BIRC6: variants seen among roughly 807,000 people sequenced by gnomAD.
The protein encoded by BIRC6 is baculoviral IAP repeat containing 6, also known as dual E2 ubiquitin-conjugating enzyme/E3 ubiquitin-protein ligase BIRC6.
In BIRC6, 98 loss-of-function variants were observed where a neutral mutation model predicts 503.3. The observed-to-expected ratio is 0.19, with a 90% CI of 0.17 to 0.23. The LOEUF (loss-of-function observed/expected upper bound fraction) is 0.23. Among genes scored for constraint, BIRC6 ranks in the 10% least tolerant of loss-of-function variants. The pLI is 1.00. For synonymous variants in BIRC6, 2,240 were observed against 2,078.7 expected, an observed-to-expected ratio of 1.08 and a Z score of -2.11; for missense variants, 5,360 against 5,806.0, an observed-to-expected ratio of 0.92 and a Z score of 2.50.
intron 10 of BIRC6, among the ~76,000 whole-genome samples, chr2:32,425,082 C>A (rs752023038): frequency 1.8e-4 from 24 of 133,914 alleles, no homozygotes; most frequent in Non-Finnish European, 2.9e-4. Flanking sequence ...CTATTCATGT[C>A]CTTGTCCACT....
intron 3 of BIRC6, among the ~76,000 whole-genome samples, chr2:32,384,062 C>A (rs796906034): frequency 6.6e-6 from 1 of 152,214 alleles, no homozygotes; most frequent in East Asian, 1.9e-4. Flanking sequence ...GCAATCTCAA[C>A]ACCCACTTCA....
chr2:32,587,536 C>G (rs897642841), intron 66 of BIRC6, among the ~76,000 whole-genome samples: 1 of 152,036 alleles, frequency 6.6e-6, no homozygotes, highest in African/African-American at 2.4e-5. Context: ...CTAGCCTGGG[C>G]AACAAGGCAA....
At chr2:32,455,447 C>G (rs951252245) in intron 23 of BIRC6, among the ~76,000 whole-genome samples, 1 of 150,732 alleles carries the variant, frequency 6.6e-6, no homozygotes, top group Non-Finnish European at 1.5e-5. Context: ...ATGGCGAAAC[C>G]TCGTCTCTAC....
intron 61 of BIRC6, among the ~76,000 whole-genome samples, chr2:32,539,409 A>G (rs1330044864): frequency 6.6e-6 from 1 of 152,248 alleles, no homozygotes; most frequent in African/African-American, 2.4e-5. Context: ...TTTCCAAAGA[A>G]AGATAGACAG....
chr2:32,500,068 C>T lies in BIRC6; in HGVS notation c.8990C>T (p.Ala2997Val). The change falls in exon 46 of 74, where the codon GCT becomes GTT. Residue 2997 changes from alanine to valine, a missense_variant. Coordinates refer to ENST00000421745, the MANE Select transcript of BIRC6 (RefSeq NM_016252.4). ...NQQIMSQILS[A>V]LGLCNSSAMA... ...CAAATTATGAGCCAGATTTTGTCTG[C>T]TCTGGGCCTGTGTAATAGCAGTGCC... The T allele has an allele frequency of 6.2e-7, 1 of 1,613,572 alleles. No homozygotes were observed. The highest frequency in any genetic ancestry group is 1.1e-5 in the South Asian group (1 of 91,018).
At chr2:32,455,984 A>G (rs1452424742) in intron 23 of BIRC6, among the ~76,000 whole-genome samples, 1 of 151,540 alleles carries the variant, frequency 6.6e-6, no homozygotes, top group Non-Finnish European at 1.5e-5. Flanking sequence ...TAATATTAAT[A>G]TAATATCTAT....
At chr2:32,483,603 G>A (rs1296707762) in intron 39 of BIRC6, among the ~76,000 whole-genome samples, 1 of 152,200 alleles carries the variant, frequency 6.6e-6, no homozygotes, top group Non-Finnish European at 1.5e-5. Flanking sequence ...GGAAAATAAT[G>A]CATTGCATTT....
At chr2:32,582,777 C>A (rs115914002) in intron 66 of BIRC6, among the ~76,000 whole-genome samples, 2,498 of 151,678 alleles carry the variant, frequency 0.016, 50 homozygotes, top group African/African-American at 0.058. Flanking sequence ...AACAAACAAA[C>A]AAAAAAACTA....
intron 66 of BIRC6, among the ~76,000 whole-genome samples, chr2:32,576,959 G>C (rs2060309775): frequency 6.6e-6 from 1 of 152,108 alleles, no homozygotes; most frequent in Admixed American, 6.5e-5. Flanking sequence ...TTCTTTGATA[G>C]TGTGATATTT....
intron 65 of BIRC6, among the ~76,000 whole-genome samples, chr2:32,560,748 T>A (rs535646646): frequency 9.0e-4 from 137 of 152,190 alleles, no homozygotes; most frequent in African/African-American, 3.3e-3. Flanking sequence ...TAAAATTTTT[T>A]GTAGAAATAG....
chr2:32,367,474 C>CA (rs1285613944), intron 1 of BIRC6, among the ~76,000 whole-genome samples: 3 of 150,154 alleles, frequency 2.0e-5, no homozygotes, highest in Non-Finnish European at 4.5e-5. Flanking sequence ...AAAAAAAAAA[C>CA]AAAAAAACGA....
intron 15 of BIRC6, among the ~76,000 whole-genome samples, chr2:32,438,674 C>T (rs2148221592): frequency 6.6e-6 from 1 of 151,750 alleles, no homozygotes; most frequent in South Asian, 2.1e-4. Flanking sequence ...ATTCTCCTGC[C>T]TCAGCCTCCT....
chr2:32,491,458 G>A lies in BIRC6; in HGVS notation c.8240G>A (p.Ser2747Asn). The stretch of plus-strand genomic sequence containing the variant: ...AGCAGTGCCATTGGAACTCAGGAGA[G>A]TACTGCTCATTTGTTGGTTTCAGAT... ...GSSSAIGTQE[S>N]TAHLLVSDPN... The change falls in exon 44 of 74, where the codon AGT becomes AAT. Residue 2747 changes from serine (S) to asparagine (N), a missense_variant. Physicochemically the swap from Ser to Asn is conservative, Grantham distance 46. Around this residue, in one of 16 missense-constraint regions of BIRC6, gnomAD observed 2,299 missense variants for 2,267.2 expected, o/e 1.01. Coordinates refer to ENST00000421745, the MANE Select transcript of BIRC6 (RefSeq NM_016252.4). 1 of 1,613,456 alleles carries A rather than the reference G, an allele frequency of 6.2e-7. No individual in the cohort carries two copies. Among genetic ancestry groups the A allele is most frequent in the Non-Finnish European group, 8.5e-7 (1 of 1,179,676 alleles).
chr2:32,437,562 A>G (rs188693390), intron 15 of BIRC6, among the ~76,000 whole-genome samples: 1 of 152,312 alleles, frequency 6.6e-6, no homozygotes, highest in Non-Finnish European at 1.5e-5. Context: ...AGTATCCCTT[A>G]TCTGAAATGC....
intron 55 of BIRC6, among the ~76,000 whole-genome samples, chr2:32,516,097 C>G (rs920060402): frequency 6.6e-6 from 1 of 152,188 alleles, no homozygotes; most frequent in Admixed American, 6.5e-5. Flanking sequence ...TCACTGAGTA[C>G]TGTATGTGCC....
chr2:32,486,351 T>G (rs986199949), intron 40 of BIRC6, among the ~76,000 whole-genome samples: 1 of 152,204 alleles, frequency 6.6e-6, no homozygotes, highest in Non-Finnish European at 1.5e-5. Flanking sequence ...AAAACAGCCA[T>G]AGACAATATG....
chr2:32,613,490 C>T (rs912480850), intron 73 of BIRC6, among the ~76,000 whole-genome samples: 2 of 151,742 alleles, frequency 1.3e-5, no homozygotes, highest in Non-Finnish European at 2.9e-5. Flanking sequence ...AAGCTATTCT[C>T]CTGCCTCAGC....
intron 1 of BIRC6, among the ~76,000 whole-genome samples, chr2:32,362,573 C>G (rs2149107942): frequency 6.6e-6 from 1 of 152,176 alleles, no homozygotes; most frequent in Non-Finnish European, 1.5e-5. Context: ...CTGCCTCGGC[C>G]TCCCAAAGTG....
intron 65 of BIRC6, among the ~76,000 whole-genome samples, chr2:32,551,877 A>C (rs79812587): frequency 0.052 from 7,933 of 152,194 alleles, 405 homozygotes; most frequent in African/African-American, 0.13. Context: ...ATTTTATAGA[A>C]TATTCTACAG....
Sources: allele counts gnomAD v4.1 joint callset (sites outside exome capture counted in the v4.1 genomes callset), GRCh38; gene constraint gnomAD v4.1.1; regional missense constraint gnomAD v4.1.1; transcripts MANE v1.5; gene names NCBI Gene and HGNC (gene_info 2026-07-23, HGNC 2026-07-21).